GPC6: variants seen among roughly 807,000 people sequenced by gnomAD.
GPC6 encodes glypican-6.
Under a neutral mutation model 55.2 loss-of-function variants are expected in GPC6, and 14 were observed. The ratio of observed to expected loss-of-function variants is 0.25; its 90% confidence interval spans 0.17 to 0.40. The LOEUF (loss-of-function observed/expected upper bound fraction) is 0.40. Ranked by LOEUF, GPC6 falls within the 10% of genes least tolerant of loss-of-function variation. GPC6 has a pLI of 1.00. For missense variants in GPC6, 641 were observed against 708.5 expected (o/e 0.90, Z 1.08); for synonymous variants, 278 against 259.6 (o/e 1.07, Z -0.68).
intron 4 of GPC6, among the ~76,000 whole-genome samples, chr13:94,111,561 A>G (rs559745465): frequency 1.1e-3 from 161 of 151,648 alleles, no homozygotes; most frequent in Non-Finnish European, 1.3e-3. Flanking sequence ...ATTTTATCCT[A>G]CAAGATTCAC....
intron 3 of GPC6, among the ~76,000 whole-genome samples, chr13:93,987,207 T>G (rs184522557): frequency 1.3e-5 from 2 of 152,326 alleles, no homozygotes; most frequent in Non-Finnish European, 2.9e-5. Context: ...ATTTCTATTT[T>G]TATGTTATCC....
In GPC6 at chr13:94,271,396, A is replaced by ACACG. The variant is rs1555313922; in HGVS notation, c.878-14950_878-14949insGCAC. 3.1e-4 allele frequency among the ~76,000 whole-genome samples: 40 copies of ACACG among 129,574 alleles called. 1 individual carries two copies. Among genetic ancestry groups the ACACG allele is most frequent in the Non-Finnish European group, 6.9e-4 (37 of 53,532 alleles). 85.0% of individuals were successfully genotyped at this position (129,574 alleles called of 152,430 possible). On this transcript the variant is annotated intron_variant, in intron 4 of 8. Coordinates refer to ENST00000377047, the MANE Select transcript of GPC6 (RefSeq NM_005708.5). ...CGCGCGCGCGCGCACACACACACAC[A>ACACG]CACACACACACACTCCATCATGCCC...
intron 2 of GPC6, among the ~76,000 whole-genome samples, chr13:93,597,022 A>AG: frequency 6.7e-6 from 1 of 148,218 alleles, no homozygotes; most frequent in African/African-American, 2.5e-5. Flanking sequence ...AAAAAAAAAA[A>AG]AAAAAAAAGA....
At chr13:93,674,787 G>A (rs111465993) in intron 2 of GPC6, among the ~76,000 whole-genome samples, 14 of 152,250 alleles carry the variant, frequency 9.2e-5, no homozygotes, top group African/African-American at 3.1e-4. Flanking sequence ...GCCTAAACCA[G>A]CCCTGGTAAT....
chr13:93,573,050 A>G (rs1056084693), intron 2 of GPC6, among the ~76,000 whole-genome samples: 2 of 152,110 alleles, frequency 1.3e-5, no homozygotes, highest in Admixed American at 6.6e-5. Flanking sequence ...TCATAATAGC[A>G]AGAATGTTCT....
At chr13:93,391,099 A>C (rs1305020586) in intron 1 of GPC6, among the ~76,000 whole-genome samples, 1 of 152,166 alleles carries the variant, frequency 6.6e-6, no homozygotes, top group African/African-American at 2.4e-5. Context: ...TTATAATGAT[A>C]TAGAAAAAAG....
At chr13:93,318,519 C>T (rs1036282492) in intron 1 of GPC6, among the ~76,000 whole-genome samples, 3 of 152,040 alleles carry the variant, frequency 2.0e-5, no homozygotes, top group South Asian at 2.1e-4. Flanking sequence ...CTGAATATCT[C>T]ACTAAGGCTA....
intron 2 of GPC6, among the ~76,000 whole-genome samples, chr13:93,664,333 T>C (rs1327219729): frequency 6.6e-6 from 1 of 152,104 alleles, no homozygotes; most frequent in Non-Finnish European, 1.5e-5. Flanking sequence ...AACAAAAAAA[T>C]GCATGGGATT....
chr13:93,754,702 T>A (rs1284127571), intron 2 of GPC6, among the ~76,000 whole-genome samples: 7 of 146,986 alleles, frequency 4.8e-5, no homozygotes, highest in African/African-American at 1.3e-4. Flanking sequence ...ATTTTTTATT[T>A]AAAAAAAAAA....
intron 2 of GPC6, among the ~76,000 whole-genome samples, chr13:93,829,659 A>G (rs1361691989): frequency 3.3e-5 from 5 of 152,234 alleles, no homozygotes; most frequent in Non-Finnish European, 7.3e-5. Flanking sequence ...TATAGAAACT[A>G]GAAAGAGTCT....
chr13:93,256,169 CAAAA>C (rs1230331244), intron 1 of GPC6, among the ~76,000 whole-genome samples: 1 of 55,122 alleles, frequency 1.8e-5, no homozygotes. Context: ...GACTCCATCT[CAAAA>C]AAAAAAAAAA....
At chr13:94,342,261 C>T (rs58627646) in intron 6 of GPC6, among the ~76,000 whole-genome samples, 5,286 of 152,278 alleles carry the variant, frequency 0.035, 171 homozygotes, top group African/African-American at 0.085. Context: ...GTCCTAACTT[C>T]CACTACCTGC....
chr13:93,959,073 C>T (rs761075457), intron 3 of GPC6, among the ~76,000 whole-genome samples: 5 of 152,082 alleles, frequency 3.3e-5, no homozygotes, highest in South Asian at 2.1e-4. Flanking sequence ...AGTAGCCTTT[C>T]GACAGCACCT....
At chr13:93,943,311 G>T (rs1379016532) in intron 3 of GPC6, among the ~76,000 whole-genome samples, 2 of 152,148 alleles carry the variant, frequency 1.3e-5, no homozygotes, top group African/African-American at 4.8e-5. Flanking sequence ...GAACTGCTTA[G>T]AGTCAAAATC....
At chr13:93,275,921 C>T (rs9523985) in intron 1 of GPC6, among the ~76,000 whole-genome samples, 37,185 of 152,026 alleles carry the variant, frequency 0.24, 4,670 homozygotes, top group African/African-American at 0.3. Flanking sequence ...GTCGCCCAGG[C>T]TGGAGTGCGG....
intron 2 of GPC6, among the ~76,000 whole-genome samples, chr13:93,682,030 G>T (rs550054804): frequency 6.6e-6 from 1 of 151,954 alleles, no homozygotes; most frequent in Non-Finnish European, 1.5e-5. Context: ...AGTATATTTT[G>T]TTTAGAAAAT....
At chr13:93,517,774 A>G (rs1054617305) in intron 1 of GPC6, among the ~76,000 whole-genome samples, 2 of 152,024 alleles carry the variant, frequency 1.3e-5, no homozygotes, top group African/African-American at 4.8e-5. Context: ...CAGTGAGGGA[A>G]TACAAATCTT....
At chr13:94,253,755 T>G (rs74732826) in intron 4 of GPC6, among the ~76,000 whole-genome samples, 1,861 of 152,250 alleles carry the variant, frequency 0.012, 35 homozygotes, top group African/African-American at 0.043. Flanking sequence ...GATCAGGGCT[T>G]GTGATGATGG....
chr13:93,315,897 A>G (rs1179094679), intron 1 of GPC6, among the ~76,000 whole-genome samples: 3 of 152,050 alleles, frequency 2.0e-5, no homozygotes, highest in Non-Finnish European at 4.4e-5. Context: ...ATATTTGGAC[A>G]AAGAGTCTGT....
Sources: gnomAD v4.1 joint callset for allele counts (sites outside exome capture counted in the v4.1 genomes callset) on GRCh38, gnomAD v4.1.1 for gene constraint, MANE v1.5 for transcripts, NCBI Gene and HGNC (gene_info 2026-07-23, HGNC 2026-07-21) for gene names.